The following PLOD3 variants were observed in gnomAD, a reference collection of about 807,000 sequenced individuals.
PLOD3 encodes the protein multifunctional procollagen lysine hydroxylase and glycosyltransferase LH3.
Under a neutral mutation model 96.9 loss-of-function variants are expected in PLOD3, and 73 were observed. The observed-to-expected ratio is 0.75, with a 90% CI of 0.62 to 0.92. The LOEUF (loss-of-function observed/expected upper bound fraction) is 0.92. Among genes scored for constraint, PLOD3 ranks in the 40% least tolerant of loss-of-function variants. The pLI, the probability that PLOD3 is intolerant of heterozygous loss-of-function variation, is 0.00. For missense variants in PLOD3, 1,004 were observed against 1,004.3 expected, an observed-to-expected ratio of 1.00 and a Z score of 0.00; for synonymous variants, 454 against 413.7, an observed-to-expected ratio of 1.10 and a Z score of -1.18.
intron 14 of PLOD3, 70 bp downstream of exon 14, chr7:101,210,261 A>G (rs1220028929): frequency 1.3e-6 from 2 of 1,509,010 alleles, no homozygotes; most frequent in African/African-American, 1.4e-5. Flanking sequence ...GGCAGCAGCC[A>G]TCACGTTTGG....
rs569043180 is a variant in PLOD3 at position 101,211,686 on chromosome 7, G to A, written c.1263C>T (p.His421=). The change falls in exon 12 of 19, where the codon CAC becomes CAT. Residue 421 remains histidine, a synonymous_variant. Coordinates refer to ENST00000223127, the MANE Select transcript of PLOD3 (RefSeq NM_001084.5). ...RKVIAPMLSR[H]GKLWSNFWGA... Reference sequence around the variant, plus strand: ...CCCAGAAGTTGGACCACAGCTTGCCGTGGCGGGACAGCATGGGGGCGATCA... The same window carrying A: ...CCCAGAAGTTGGACCACAGCTTGCCATGGCGGGACAGCATGGGGGCGATCA... 33 of 1,607,162 alleles carry A rather than the reference G, an allele frequency of 2.1e-5. No homozygotes were observed. Among genetic ancestry groups the A allele is most frequent in the African/African-American group, 4.0e-5 (3 of 74,998 alleles).
Position 101,206,825 on chromosome 7 carries a change from G to C in PLOD3, c.2015C>G (p.Thr672Ser), listed in dbSNP as rs749588151. Reference sequence around the variant, plus strand: ...GTTGAGGGCAACGTTGAGGGTGAAGGTGGATGAGTCGTGGTGTGGCCGCAG... The same window carrying C: ...GTTGAGGGCAACGTTGAGGGTGAAGCTGGATGAGTCGTGGTGTGGCCGCAG... ...PSLRPHHDSS[T>S]FTLNVALNHK... is the part of the protein sequence containing the mutation. The change falls in exon 18 of 19, where the codon ACC becomes AGC. Residue 672 changes from threonine to serine, a missense_variant. Physicochemically the swap from Thr to Ser is moderately conservative, Grantham distance 58. This residue lies in a region of PLOD3 where 222 missense variants were observed against 220.4 expected (regional missense o/e 1.01). Coordinates refer to ENST00000223127, the MANE Select transcript of PLOD3 (RefSeq NM_001084.5). 6.3e-7 allele frequency: 1 copy of C among 1,579,108 alleles called. No homozygotes were observed. The highest frequency in any genetic ancestry group is 8.6e-7 in the Non-Finnish European group (1 of 1,162,164).
At chr7:101,211,791 G>C in intron 11 of PLOD3, 55 bp downstream of exon 11, 4 of 1,584,306 alleles carry the variant, frequency 2.5e-6, no homozygotes, top group Non-Finnish European at 3.4e-6. Flanking sequence ...GCAGGAGTGG[G>C]GTTCCCGGGG....
Position 101,216,490 on chromosome 7 carries a change from TCCA to T in PLOD3, c.255_257del (p.Gly87del). Reference sequence around the variant, plus strand: ...TCTTTAACCACCGGACCTTCTGTCCTCCACCAACTGTTCGAGCCACATCACCCC... The same window carrying T: ...TCTTTAACCACCGGACCTTCTGTCCTCCAACTGTTCGAGCCACATCACCCC... On this transcript the variant is annotated inframe_deletion, in exon 3 of 19. Coordinates refer to ENST00000223127, the MANE Select transcript of PLOD3 (RefSeq NM_001084.5). The T allele has an allele frequency of 6.2e-7, 1 of 1,614,062 alleles. No individual in the cohort carries two copies. The highest frequency in any genetic ancestry group is 8.5e-7 in the Non-Finnish European group (1 of 1,179,984).
rs1296288542 is a variant in PLOD3 at position 101,210,149 on chromosome 7, G to C, written c.1627C>G (p.Gln543Glu). Residue 543 changes from glutamine (Q) to glutamate (E), a missense_variant, in exon 15 of 19, where the codon CAG becomes GAG. Gln to Glu is a conservative substitution (Grantham distance 29, BLOSUM62 2). Coordinates refer to ENST00000223127, the MANE Select transcript of PLOD3 (RefSeq NM_001084.5). ...IFDNPVDWKE[Q>E]YIHENYSRAL... The stretch of plus-strand genomic sequence containing the variant: ...CGGCTGTAGTTCTCGTGGATGTACT[G>C]CTCCTTCCAGTCCTGTGAGAGGGTG... 13 of 1,607,442 alleles carry C rather than the reference G, an allele frequency of 8.1e-6. No homozygotes were observed. Among genetic ancestry groups the C allele is most frequent in the Non-Finnish European group, 1.1e-5 (13 of 1,176,874 alleles).
rs201613747 is a variant in PLOD3 at position 101,207,655 on chromosome 7, C to T, written c.1858G>A (p.Glu620Lys). The change falls in exon 17 of 19, where the codon GAG becomes AAG. Residue 620 changes from glutamate to lysine, a missense_variant. Glu to Lys is a moderately conservative substitution (Grantham distance 56). Transcript: ENST00000223127. ...CGCAGCAGCTGCAGCCACTGGTCCT[C>T]GTACCCCACCTGCTTCATGTGGATG... ...VDIHMKQVGY[E>K]DQWLQLLRTY... is the part of the protein sequence containing the mutation. The T allele has an allele frequency of 1.4e-5, 23 of 1,613,954 alleles. No homozygotes were observed. The highest frequency in any genetic ancestry group is 1.9e-5 in the Non-Finnish European group (22 of 1,179,932).
chr7:101,216,840 C>A, intron 1 of PLOD3, 54 bp from the exon 2 acceptor site: 1 of 1,230,246 alleles, frequency 8.1e-7, no homozygotes, highest in Non-Finnish European at 1.2e-6. Context: ...CCGGGCCTCA[C>A]GTGCTTTGCT....
chr7:101,210,946 T>C, intron 12 of PLOD3: 1 of 439,476 alleles, frequency 2.3e-6, no homozygotes, highest in Non-Finnish European at 4.2e-6. Context: ...AGTGGTGTGA[T>C]CTTGGCTCAC....
At chr7:101,207,754 C>T (rs1424698154) in intron 16 of PLOD3, 30 bp from the exon 17 acceptor site, 3 of 1,612,744 alleles carry the variant, frequency 1.9e-6, no homozygotes, top group African/African-American at 1.3e-5. Context: ...AGCCACCCGC[C>T]CCTCCAGCCA....
chr7:101,214,254 A>T (rs372437920), intron 6 of PLOD3, among the ~76,000 whole-genome samples: 1 of 151,400 alleles, frequency 6.6e-6, no homozygotes, highest in Non-Finnish European at 1.5e-5. Flanking sequence ...AGCCTTCTGA[A>T]TAGCTGGGAT....
intron 1 of PLOD3, 146 bp from the exon 2 acceptor site, chr7:101,216,932 G>C: frequency 1.3e-6 from 1 of 766,602 alleles, no homozygotes; most frequent in Middle Eastern, 2.3e-4. Flanking sequence ...CTGACCCCAA[G>C]GAGGGCAGGG....
At chr7:101,209,299 T>G (rs1441749325) in intron 15 of PLOD3, among the ~76,000 whole-genome samples, 1 of 151,312 alleles carries the variant, frequency 6.6e-6, no homozygotes, top group Non-Finnish European at 1.5e-5. Flanking sequence ...CTCGACCTTC[T>G]GGGCTCAAGC....
chr7:101,211,730 G>C lies in PLOD3; in HGVS notation c.1233-14C>G. On this transcript the variant is annotated splice_polypyrimidine_tract_variant and intron_variant, in intron 11 of 18. Coordinates refer to ENST00000223127, the MANE Select transcript of PLOD3 (RefSeq NM_001084.5). ...GCGATCACCTTCCTGCGGACAGGTG[G>C]GGGTGAGGGCTGGGCAGACGGGAGC... The C allele has an allele frequency of 6.2e-7, 1 of 1,600,926 alleles. No homozygotes were observed. The highest frequency in any genetic ancestry group is 2.3e-5 in the East Asian group (1 of 44,290).
intron 1 of PLOD3, 180 bp downstream of exon 1, chr7:101,216,986 G>T: frequency 1.3e-6 from 1 of 795,462 alleles, no homozygotes; most frequent in Non-Finnish European, 2.0e-6. Context: ...GCATAGGGAG[G>T]CTGGAAACCC....
intron 6 of PLOD3, among the ~76,000 whole-genome samples, chr7:101,214,848 T>G (rs1227845407): frequency 6.6e-6 from 1 of 151,332 alleles, no homozygotes; most frequent in East Asian, 1.9e-4. Flanking sequence ...AAAAAAAAAG[T>G]CCCTGGCCCG....
At chr7:101,212,224 C>A in intron 10 of PLOD3, 29 bp downstream of exon 10, 1 of 1,609,488 alleles carries the variant, frequency 6.2e-7, no homozygotes, top group Non-Finnish European at 8.5e-7. Flanking sequence ...CCTCATCCCA[C>A]CCTCTCCTCC....
chr7:101,212,953 A>G lies in PLOD3; in HGVS notation c.778-10T>C. ...GGTAGTTGAGCTGCAGCTGTTGGGG[A>G]CAGACTGAGGCTGAGTGGCTGAGGC... is the stretch of plus-strand genomic sequence containing the variant. On this transcript the variant is annotated splice_polypyrimidine_tract_variant and intron_variant, in intron 7 of 18. Transcript: ENST00000223127. 6.2e-7 allele frequency: 1 copy of G among 1,603,890 alleles called. No homozygotes were observed. The highest frequency in any genetic ancestry group is 1.1e-5 in the South Asian group (1 of 90,872).
At chr7:101,210,237 C>T (rs1239472443) in intron 14 of PLOD3, 76 bp from the exon 15 acceptor site, 1 of 1,478,200 alleles carries the variant, frequency 6.8e-7, no homozygotes, top group African/African-American at 1.4e-5. Context: ...CCCTCCCACT[C>T]AGTGTCCTGC....
At chr7:101,207,295 G>A (rs1363126152) in intron 17 of PLOD3, among the ~76,000 whole-genome samples, 1 of 151,996 alleles carries the variant, frequency 6.6e-6, no homozygotes, top group Non-Finnish European at 1.5e-5. Context: ...TGTCTTCAGG[G>A]AGATGACGGT....
Sources: allele counts gnomAD v4.1 joint callset (sites outside exome capture counted in the v4.1 genomes callset), GRCh38; gene constraint gnomAD v4.1.1; regional missense constraint gnomAD v4.1.1; transcripts MANE v1.5; gene names NCBI Gene and HGNC (gene_info 2026-07-23, HGNC 2026-07-21).